The following NBPF10 variants were observed in gnomAD, a reference collection of about 807,000 sequenced individuals.
NBPF10 encodes NBPF member 10.
In NBPF10, 63 loss-of-function variants were observed where a neutral mutation model predicts 77.9. That is an observed-to-expected ratio of 0.81 (90% CI 0.66 to 1.00). The LOEUF (loss-of-function observed/expected upper bound fraction) is 1.00, where lower values mean the gene tolerates loss of function less well. Among genes scored for constraint, NBPF10 ranks in the 50% least tolerant of loss-of-function variants. The pLI, the probability that NBPF10 is intolerant of heterozygous loss-of-function variation, is 0.00. For synonymous variants in NBPF10, 146 were observed against 264.5 expected (o/e 0.55, Z 4.35); for missense variants, 522 against 679.8 (o/e 0.77, Z 2.58).
chr1:146,109,311 GACACACAC>G (rs1203658432), intron 35 of NBPF10, among the ~76,000 whole-genome samples, 197 bp from the exon 36 acceptor site: 9 of 87,214 alleles, frequency 1.0e-4, no homozygotes, highest in African/African-American at 1.6e-4. Flanking sequence ...AAGACAGATA[GACACACAC>G]ACACACACAC....
intron 89 of NBPF10, among the ~76,000 whole-genome samples, 186 bp from the exon 90 acceptor site, chr1:146,066,747 AAGAG>A (rs1388759431): frequency 6.6e-6 from 1 of 151,424 alleles, no homozygotes; most frequent in Non-Finnish European, 1.5e-5. Context: ...AAAACAATGA[AAGAG>A]AAAGACAGAG....
chr1:146,109,309 TA>T (rs1657342994), intron 35 of NBPF10, among the ~76,000 whole-genome samples, 195 bp from the exon 36 acceptor site: 1 of 88,920 alleles, frequency 1.1e-5, no homozygotes, highest in Non-Finnish European at 2.4e-5. Flanking sequence ...GAAAGACAGA[TA>T]GACACACACA....
chr1:146,125,779 C>A (rs1227947379), intron 14 of NBPF10, among the ~76,000 whole-genome samples: 1 of 144,900 alleles, frequency 6.9e-6, no homozygotes, highest in Non-Finnish European at 1.5e-5. Context: ...ATGGTTATGC[C>A]ATATTTTTCC....
exon 90 of NBPF10, chr1:146,066,561 C>T (rs782284796): frequency 7.2e-6 from 5 of 690,204 alleles, no homozygotes; most frequent in Middle Eastern, 3.9e-4. Flanking sequence ...CGCCGTTGAG[C>T]CTGGAAAAGG....
intron 14 of NBPF10, among the ~76,000 whole-genome samples, 174 bp from the exon 15 acceptor site, chr1:146,125,690 T>G (rs1242170961): frequency 7.7e-6 from 1 of 130,422 alleles, no homozygotes; most frequent in Non-Finnish European, 1.7e-5. Flanking sequence ...TTCCTTGGTT[T>G]TTGTCCCAGA....
chr1:146,126,604 C>G (rs1571192794), intron 13 of NBPF10, among the ~76,000 whole-genome samples, 196 bp from the exon 14 acceptor site: 1 of 125,006 alleles, frequency 8.0e-6, no homozygotes, highest in South Asian at 2.5e-4. Flanking sequence ...AAGACACACA[C>G]ACACACACAC....
chr1:146,136,482 C>T lies in NBPF10; in HGVS notation c.989-27G>A, dbSNP rs781910811. The T allele has an allele frequency of 1.1e-5, 17 of 1,610,708 alleles. No individual in the cohort carries two copies. In the African/African-American group the frequency reaches 2.1e-4, roughly 20 times the overall value. ...TGAGAAAAGACAGACACACCTGCCTCAGTGGAAGGCTGGACATGCTGCTGT... is the reference window on the plus strand; with the variant it reads ...TGAGAAAAGACAGACACACCTGCCTTAGTGGAAGGCTGGACATGCTGCTGT... On this transcript the variant is annotated intron_variant, in intron 6 of 89. Transcript: ENST00000583866.
chr1:146,069,551 T>A, exon 86 of NBPF10: 2 of 980,946 alleles, frequency 2.0e-6, no homozygotes, highest in South Asian at 2.6e-5. Context: ...ACCATCCATG[T>A]CAACAGCCAA....
rs1171682893 is a variant in NBPF10, at chr1:146,068,204, A to C, written c.10863-29T>G. On this transcript the variant is annotated intron_variant, in intron 87 of 89. Coordinates refer to ENST00000583866, the Ensembl canonical transcript of NBPF10. ...GAAAAGTAGGAAAAAGTAAAGAATA[A>C]GCCAGGGGGAATCAGAAACCACACA... is the stretch of plus-strand genomic sequence containing the variant. The C allele has an allele frequency of 9.3e-6, 3 of 321,466 alleles. No individual in the cohort carries two copies. In the East Asian group the frequency reaches 1.6e-4, roughly 17 times the overall value. 19.9% of individuals were successfully genotyped at this position (321,466 alleles called of 1,614,324 possible). A position where few individuals can be genotyped will look rare whatever the true frequency, so the allele number is the denominator to read the frequency against.
At position 146,069,722 on chromosome 1, in the gene NBPF10, A is replaced by C. The variant is rs782430332; in HGVS notation, c.10638-7T>G. 2 of 755,534 alleles carry C rather than the reference A, an allele frequency of 2.6e-6. No homozygotes were observed. The highest frequency in any genetic ancestry group is 2.7e-5 in the South Asian group (2 of 74,304). 46.8% of individuals were successfully genotyped at this position (755,534 alleles called of 1,614,324 possible). On this transcript the variant is annotated splice_region_variant and splice_polypyrimidine_tract_variant and intron_variant, in intron 85 of 89. Coordinates refer to ENST00000583866, the Ensembl canonical transcript of NBPF10. ...CAGCAGCTCCCTGCTGAGCCTGGAAAAGTGGGAAAAAGTAAAGAATAAGCC... is the reference window on the plus strand; with the variant it reads ...CAGCAGCTCCCTGCTGAGCCTGGAACAGTGGGAAAAAGTAAAGAATAAGCC...
In NBPF10 at chr1:146,125,659, G is replaced by A. The variant is rs1346448380; in HGVS notation, c.2027-143C>T. Reference sequence around the variant, plus strand: ...GTGAGAGATATTCTTCAGGAGGCCTGAAGGCTGATCACCACAGAGATTCCT... The same window carrying A: ...GTGAGAGATATTCTTCAGGAGGCCTAAAGGCTGATCACCACAGAGATTCCT... On this transcript the variant is annotated intron_variant, in intron 14 of 89. Coordinates refer to ENST00000583866, the Ensembl canonical transcript of NBPF10. 22 of 525,312 alleles carry A rather than the reference G, an allele frequency of 4.2e-5. 1 individual carries two copies. Among genetic ancestry groups the A allele is most frequent in the Non-Finnish European group, 6.9e-6 (2 of 291,194 alleles). 32.5% of individuals were successfully genotyped at this position (525,312 alleles called of 1,614,324 possible). A position where few individuals can be genotyped will look rare whatever the true frequency, so the allele number is the denominator to read the frequency against.
intron 86 of NBPF10, 123 bp downstream of exon 86, chr1:146,069,420 T>G (rs2102051073): frequency 3.8e-6 from 2 of 520,134 alleles, no homozygotes; most frequent in Non-Finnish European, 3.3e-6. Context: ...AACCTACATA[T>G]GCCTATAGGT....
rs1175664038 is a variant in NBPF10, at chr1:146,135,997, C to T, written c.1091+356G>A. Among the ~76,000 whole-genome samples, 4 of 149,778 alleles carry T rather than the reference C, an allele frequency of 2.7e-5. No homozygotes were observed. In the East Asian group the frequency reaches 7.9e-4, roughly 30 times the overall value. On this transcript the variant is annotated intron_variant, in intron 7 of 89. Coordinates refer to ENST00000583866, the Ensembl canonical transcript of NBPF10. ...GATTGAGTGAAAGAATGAGAAGCCGCAGTCAGTCAGGAGGTGATTCTCACT... is the reference window on the plus strand; with the variant it reads ...GATTGAGTGAAAGAATGAGAAGCCGTAGTCAGTCAGGAGGTGATTCTCACT...
At chr1:146,080,976 C>CAG (rs1656243527) in intron 71 of NBPF10, among the ~76,000 whole-genome samples, 199 bp from the exon 72 acceptor site, 1 of 30,938 alleles carries the variant, frequency 3.2e-5, no homozygotes, top group African/African-American at 8.2e-5. Context: ...GACAGATAGA[C>CAG]ACACACACAC....
chr1:146,128,003 G>A, intron 12 of NBPF10, 116 bp downstream of exon 12: 104 of 1,487,484 alleles, frequency 7.0e-5, no homozygotes, highest in Non-Finnish European at 9.7e-5. Flanking sequence ...TGATATATAG[G>A]TTCAGCCCAC....
intron 35 of NBPF10, among the ~76,000 whole-genome samples, chr1:146,109,345 C>CAGAGAGAG: frequency 1.6e-5 from 1 of 63,562 alleles, no homozygotes; most frequent in Non-Finnish European, 3.4e-5. Context: ...CACACACACA[C>CAGAGAGAG]AGAGAGAGAG....
chr1:146,126,299 G>C, exon 14 of NBPF10: 2 of 1,583,866 alleles, frequency 1.3e-6, no homozygotes, highest in Non-Finnish European at 1.7e-6. Context: ...CTTCTGTAGG[G>C]CTGGCATGAG....
At chr1:146,073,134 C>T (rs1377995050) in intron 81 of NBPF10, among the ~76,000 whole-genome samples, 1 of 70,596 alleles carries the variant, frequency 1.4e-5, no homozygotes, top group South Asian at 4.0e-4. Flanking sequence ...GTGAGCTCAG[C>T]GAATTGGCCG....
chr1:146,126,582 G>C (rs1424972918), intron 13 of NBPF10, among the ~76,000 whole-genome samples, 174 bp from the exon 14 acceptor site: 2 of 131,578 alleles, frequency 1.5e-5, no homozygotes, highest in Non-Finnish European at 3.3e-5. Flanking sequence ...AGGTAGAAAA[G>C]GATGAACGAG....
Sources: allele counts gnomAD v4.1 joint callset (sites outside exome capture counted in the v4.1 genomes callset), GRCh38; gene constraint gnomAD v4.1.1; transcripts MANE v1.5; gene names NCBI Gene and HGNC (gene_info 2026-07-23, HGNC 2026-07-21).